The following UMODL1 variants were observed in gnomAD, a reference collection of about 807,000 sequenced individuals.
UMODL1 encodes uromodulin-like 1.
In UMODL1, 128 loss-of-function variants were observed where a neutral mutation model predicts 136.3. The ratio of observed to expected loss-of-function variants is 0.94; its 90% CI spans 0.81 to 1.09. The LOEUF (loss-of-function observed/expected upper bound fraction) is 1.09. Among genes scored for constraint, UMODL1 ranks in the 50% least tolerant of loss-of-function variants. The pLI is 0.00. For synonymous variants in UMODL1, 721 were observed against 720.0 expected (o/e 1.00, Z -0.02); for missense variants, 1,766 against 1,725.6 (o/e 1.02, Z -0.41).
intron 6 of UMODL1, among the ~76,000 whole-genome samples, chr21:42,098,132 T>C (rs573556364): frequency 2.0e-5 from 3 of 152,102 alleles, no homozygotes; most frequent in Non-Finnish European, 2.9e-5. Flanking sequence ...GTCGTGGCCA[T>C]TGCTACAAAT....
chr21:42,081,240 G>T (rs1257970479), intron 2 of UMODL1, among the ~76,000 whole-genome samples: 1 of 152,174 alleles, frequency 6.6e-6, no homozygotes, highest in Non-Finnish European at 1.5e-5. Flanking sequence ...TCCCGACCAG[G>T]CGAAGAGGCC....
chr21:42,134,523 C>A (rs1406045446), intron 21 of UMODL1, among the ~76,000 whole-genome samples: 1 of 152,170 alleles, frequency 6.6e-6, no homozygotes, highest in African/African-American at 2.4e-5. Context: ...GAGACTGAGG[C>A]GGTGGCTGAG....
chr21:42,096,805 G>T (rs1175780338), intron 6 of UMODL1, among the ~76,000 whole-genome samples: 1 of 152,138 alleles, frequency 6.6e-6, no homozygotes, highest in Non-Finnish European at 1.5e-5. Context: ...CACCAACGTG[G>T]ATTAAAAAAA....
At chr21:42,135,707 C>T (rs891349614) in intron 21 of UMODL1, among the ~76,000 whole-genome samples, 2 of 152,052 alleles carry the variant, frequency 1.3e-5, no homozygotes, top group Admixed American at 6.5e-5. Context: ...GATCTGGGGG[C>T]CTCGGTTTCT....
chr21:42,113,690 G>T lies in UMODL1; in HGVS notation c.2222G>T (p.Trp741Leu). The change falls in exon 13 of 23, where the codon TGG (tryptophan) becomes TTG (leucine). Residue 741 changes from tryptophan to leucine, a missense_variant. Trp to Leu is a moderately conservative substitution (Grantham distance 61). Transcript: ENST00000408910. ...STFQLTLTSM[W>L]SPAVVLETWN... The stretch of plus-strand genomic sequence containing the variant: ...TTCCAGCTCACTCTGACTTCCATGT[G>T]GAGCCCTGCTGTGGTCCTAGAGACC... 6.2e-7 allele frequency: 1 copy of T among 1,614,096 alleles called. No individual in the cohort carries two copies. Among genetic ancestry groups the T allele is most frequent in the Non-Finnish European group, 8.5e-7 (1 of 1,180,030 alleles).
Position 42,123,102 on chromosome 21 carries a change from C to G in UMODL1, c.3099C>G (p.His1033Gln). 6.2e-7 allele frequency: 1 copy of G among 1,614,078 alleles called. No homozygotes were observed. The highest frequency in any genetic ancestry group is 8.5e-7 in the Non-Finnish European group (1 of 1,179,992). ...ACGTGAGCCACAGCAATGGCACACA[C>G]GTGCTCCTGGAGGCCGGCTGGAGCG... ...SCNVSHSNGT[H>Q]VLLEAGWSEC... The change falls in exon 17 of 23, where the codon CAC becomes CAG. Residue 1033 changes from histidine to glutamine, a missense_variant. Physicochemically the swap from His to Gln is conservative, Grantham distance 24 (BLOSUM62 0). Coordinates refer to ENST00000408910, the MANE Select transcript of UMODL1 (RefSeq NM_001004416.3). The surrounding 1 kb of genome is among the most constrained non-coding windows in gnomAD (Gnocchi z 4.4).
At chr21:42,098,821 T>C (rs2066589666) in intron 6 of UMODL1, 105 bp from the exon 7 acceptor site, 1 of 1,509,452 alleles carries the variant, frequency 6.6e-7, no homozygotes, top group East Asian at 2.3e-5. Context: ...ACTTGATCAA[T>C]AAATCAGTGA....
At chr21:42,137,667 G>A (rs1198080880) in intron 22 of UMODL1, 26 bp downstream of exon 22, 1 of 1,039,406 alleles carries the variant, frequency 9.6e-7, no homozygotes. Context: ...GGTGGGAGGT[G>A]CAGGCTGACA....
At chr21:42,088,555 C>T in intron 5 of UMODL1, 75 bp downstream of exon 5, 1 of 1,419,168 alleles carries the variant, frequency 7.0e-7, no homozygotes. Flanking sequence ...AAGGTGGACG[C>T]TAAAGCCAGA....
intron 2 of UMODL1, among the ~76,000 whole-genome samples, chr21:42,080,871 G>A (rs1039606404): frequency 6.6e-6 from 1 of 152,170 alleles, no homozygotes; most frequent in African/African-American, 2.4e-5. Context: ...ATGCTTTTAC[G>A]GCCACATGGC....
chr21:42,101,985 T>C (rs1394763223), intron 7 of UMODL1, 181 bp from the exon 8 acceptor site: 1 of 529,248 alleles, frequency 1.9e-6, no homozygotes. Flanking sequence ...GACATAAAAG[T>C]GTTTGTTTAT....
At chr21:42,072,391 T>C (rs1208658320) in intron 1 of UMODL1, among the ~76,000 whole-genome samples, 1 of 152,258 alleles carries the variant, frequency 6.6e-6, no homozygotes, top group Non-Finnish European at 1.5e-5. Flanking sequence ...TTAACGTTTT[T>C]CACCCAGAAG....
In UMODL1 at chr21:42,129,717, G is replaced by T; in HGVS notation, c.3695G>T (p.Cys1232Phe). The T allele has an allele frequency of 6.4e-7, 1 of 1,572,054 alleles. No individual in the cohort carries two copies. Among genetic ancestry groups the T allele is most frequent in the Non-Finnish European group, 8.6e-7 (1 of 1,165,422 alleles). ...TTCTTGGAAAAAAAAAAACAGAATT[G>T]CAATAACTTTCGGTTGCTGCAAAAT... ...ESPGATCKINCNNFRLLQNSE... is the reference protein window; with the variant it reads ...ESPGATCKINFNNFRLLQNSE... Residue 1232 changes from cysteine (C) to phenylalanine (F), a missense_variant, in exon 21 of 23, where the codon TGC (cysteine) becomes TTC (phenylalanine). By Grantham distance (205) the Cys-to-Phe change is radical. Transcript: ENST00000408910.
At chr21:42,071,140 A>G (rs555558642), upstream of UMODL1, among the ~76,000 whole-genome samples, 11 of 152,298 alleles carry the variant, frequency 7.2e-5, no homozygotes, top group African/African-American at 2.6e-4. Context: ...GAGCAGGCAT[A>G]AGGGACTGCT....
chr21:42,065,514 A>G (rs1290965217), intron 1 of UMODL1, among the ~76,000 whole-genome samples: 1 of 150,792 alleles, frequency 6.6e-6, no homozygotes, highest in Non-Finnish European at 1.5e-5. Context: ...GTGGCCAAGG[A>G]CTGCACCAGA....
chr21:42,068,790 G>A (rs2066204243), upstream of UMODL1, among the ~76,000 whole-genome samples: 2 of 152,240 alleles, frequency 1.3e-5, no homozygotes, highest in South Asian at 4.1e-4. The surrounding 1 kb of genome is among the most constrained non-coding windows in gnomAD (Gnocchi z 5.5). Context: ...ACTTGTGTGA[G>A]TGTGTCTGTA....
At chr21:42,076,769 C>T (rs1047540624) in intron 2 of UMODL1, among the ~76,000 whole-genome samples, 1 of 152,098 alleles carries the variant, frequency 6.6e-6, no homozygotes, top group African/African-American at 2.4e-5. Flanking sequence ...TTCTGAACTC[C>T]AATACGTGAA....
rs1246255593 is a variant in UMODL1, at chr21:42,109,080, G to T, written c.1520-482G>T. Among the ~76,000 whole-genome samples, 5 of 138,534 alleles carry T rather than the reference G, an allele frequency of 3.6e-5. 1 individual carries two copies. The highest frequency in any genetic ancestry group is 1.4e-4 in the African/African-American group (5 of 36,390). 90.9% of individuals were successfully genotyped at this position (138,534 alleles called of 152,430 possible). ...GGAAAGCTGGTGTTATACTCCGCTGGACCCCCACCCCCGGCGTGGAAAGCT... is the reference window on the plus strand; with the variant it reads ...GGAAAGCTGGTGTTATACTCCGCTGTACCCCCACCCCCGGCGTGGAAAGCT... On this transcript the variant is annotated intron_variant, in intron 9 of 22. Transcript: ENST00000408910.
chr21:42,137,224 C>T (rs1407918536), intron 21 of UMODL1, among the ~76,000 whole-genome samples: 1 of 152,260 alleles, frequency 6.6e-6, no homozygotes, highest in Non-Finnish European at 1.5e-5. Context: ...CCTCAAGGCC[C>T]AGGCCTCCCC....
Sources: allele counts gnomAD v4.1 joint callset (sites outside exome capture counted in the v4.1 genomes callset), GRCh38; gene constraint gnomAD v4.1.1; non-coding constraint Gnocchi (gnomAD v3.1); transcripts MANE v1.5; gene names NCBI Gene and HGNC (gene_info 2026-07-23, HGNC 2026-07-21).